Variants in AGPAT5 observed in about 807,000 individuals in gnomAD.
The protein encoded by AGPAT5 is 1-acylglycerol-3-phosphate O-acyltransferase 5, also known as 1-acyl-sn-glycerol-3-phosphate acyltransferase epsilon.
Under a neutral mutation model 45.6 loss-of-function variants are expected in AGPAT5, and 46 were observed. The ratio of observed to expected loss-of-function variants is 1.01; its 90% CI spans 0.80 to 1.29. The LOEUF is 1.29. AGPAT5 is among the 50% of genes most tolerant of loss of function. The pLI is 0.00. For synonymous variants in AGPAT5, 272 were observed against 167.0 expected, an observed-to-expected ratio of 1.63 and a Z score of -4.85; for missense variants, 673 against 450.7, an observed-to-expected ratio of 1.49 and a Z score of -4.47.
intron 4 of AGPAT5, among the ~76,000 whole-genome samples, chr8:6,733,892 T>A (rs568792325): frequency 5.0e-4 from 76 of 152,302 alleles, no homozygotes; most frequent in African/African-American, 1.8e-3. Flanking sequence ...TGGCATCCTA[T>A]GCACAGTGGC....
At chr8:6,735,078 G>C (rs549071546) in intron 4 of AGPAT5, among the ~76,000 whole-genome samples, 51 of 152,256 alleles carry the variant, frequency 3.3e-4, no homozygotes, top group Non-Finnish European at 5.7e-4. Context: ...GAATCTCAGG[G>C]GTGGAGCCTT....
At chr8:6,720,458 AGAT>A (rs553105114) in intron 1 of AGPAT5, among the ~76,000 whole-genome samples, 21 of 152,342 alleles carry the variant, frequency 1.4e-4, no homozygotes, top group African/African-American at 4.8e-4. Flanking sequence ...GATTTTTGGC[AGAT>A]GACTTGGGAA....
chr8:6,749,333 AT>A (rs1226057876), intron 6 of AGPAT5, among the ~76,000 whole-genome samples: 2 of 152,244 alleles, frequency 1.3e-5, no homozygotes, highest in East Asian at 1.9e-4. Context: ...GGAAAAAAAA[AT>A]GTAACATATT....
At chr8:6,718,886 G>C (rs1356595177) in intron 1 of AGPAT5, among the ~76,000 whole-genome samples, 2 of 152,170 alleles carry the variant, frequency 1.3e-5, no homozygotes, top group African/African-American at 2.4e-5. Context: ...AGAAGCAGCA[G>C]TTAATTACCT....
At chr8:6,723,611 G>A (rs917252930) in intron 1 of AGPAT5, among the ~76,000 whole-genome samples, 10 of 152,198 alleles carry the variant, frequency 6.6e-5, no homozygotes, top group Non-Finnish European at 1.3e-4. Flanking sequence ...CACAAGCCAC[G>A]ATGTCACTTT....
At chr8:6,725,173 TCTTA>T (rs1800643792) in intron 2 of AGPAT5, among the ~76,000 whole-genome samples, 1 of 152,240 alleles carries the variant, frequency 6.6e-6, no homozygotes, top group Non-Finnish European at 1.5e-5. Context: ...TAAGCTATCT[TCTTA>T]CTTGCTTGCT....
At position 6,732,761 on chromosome 8, in the gene AGPAT5, C is replaced by G. The variant is rs937685540; in HGVS notation, c.495+111C>G. Reference sequence around the variant, plus strand: ...CAATGTATTTTCCCATGTGTAATTACTAATTCAGGGTTATGCTGAGGTAAC... The same window carrying G: ...CAATGTATTTTCCCATGTGTAATTAGTAATTCAGGGTTATGCTGAGGTAAC... On this transcript the variant is annotated intron_variant, in intron 4 of 7. Transcript: ENST00000285518. 8.1e-6 allele frequency: 8 copies of G among 983,902 alleles called. No individual in the cohort carries two copies. In the African/African-American group the frequency reaches 1.2e-4, roughly 14 times the overall value. The allele number at this position is 983,902 out of a possible 1,614,324, so 60.9% of individuals were successfully genotyped here.
intron 4 of AGPAT5, among the ~76,000 whole-genome samples, chr8:6,733,942 C>T (rs1357591956): frequency 2.6e-5 from 4 of 152,092 alleles, no homozygotes; most frequent in South Asian, 2.1e-4. Context: ...CTGCCAGTGG[C>T]GCTAGGGCTG....
At chr8:6,716,467 G>A (rs773050539) in intron 1 of AGPAT5, among the ~76,000 whole-genome samples, 5 of 151,914 alleles carry the variant, frequency 3.3e-5, no homozygotes, top group Non-Finnish European at 7.4e-5. Flanking sequence ...AGGCTGAGGT[G>A]GGAGAATCAC....
rs967460568 is a variant in AGPAT5, at chr8:6,759,529, T to C, written c.*2141T>C. On this transcript the variant is annotated 3_prime_UTR_variant, in exon 8 of 8. Transcript: ENST00000285518. Reference sequence around the variant, plus strand: ...CACATATCATTTAAACTTTTGTTTGTATTATTACTGATTTACAGCTTAGTT... The same window carrying C: ...CACATATCATTTAAACTTTTGTTTGCATTATTACTGATTTACAGCTTAGTT... 1 of 152,246 alleles carries C rather than the reference T, an allele frequency of 6.6e-6. No homozygotes were observed. The highest frequency in any genetic ancestry group is 6.5e-5 in the Admixed American group (1 of 15,286). 9.4% of individuals were successfully genotyped at this position (152,246 alleles called of 1,614,324 possible). A position where few individuals can be genotyped will look rare whatever the true frequency, so the allele number is the denominator to read the frequency against.
Position 6,760,233 on chromosome 8 carries a change from A to G in AGPAT5, c.*2845A>G, listed in dbSNP as rs141019896. Among the ~76,000 whole-genome samples the G allele has an allele frequency of 7.2e-5, 11 of 152,268 alleles. No individual in the cohort carries two copies. The highest frequency in any genetic ancestry group is 2.6e-4 in the African/African-American group (11 of 41,548). Reference sequence around the variant, plus strand: ...ATATCGAGAACCTGTCTACAAAAAAATTAAAAAAAATTAGCCAGGCATGGT... The same window carrying G: ...ATATCGAGAACCTGTCTACAAAAAAGTTAAAAAAAATTAGCCAGGCATGGT... On this transcript the variant is annotated 3_prime_UTR_variant, in exon 8 of 8. Transcript: ENST00000285518.
chr8:6,715,917 A>C (rs1236703552), intron 1 of AGPAT5, among the ~76,000 whole-genome samples: 2 of 152,162 alleles, frequency 1.3e-5, no homozygotes, highest in Non-Finnish European at 2.9e-5. Flanking sequence ...TAACATAATA[A>C]ACATGAGGAG....
intron 1 of AGPAT5, among the ~76,000 whole-genome samples, chr8:6,723,343 G>A (rs1800570974): frequency 6.6e-6 from 1 of 152,152 alleles, no homozygotes; most frequent in African/African-American, 2.4e-5. Context: ...GCACCACCAT[G>A]CCTGGCTAAT....
At chr8:6,748,362 A>G (rs904927682) in intron 6 of AGPAT5, among the ~76,000 whole-genome samples, 1 of 152,254 alleles carries the variant, frequency 6.6e-6, no homozygotes, top group Non-Finnish European at 1.5e-5. Flanking sequence ...AGTTAAACTA[A>G]CCAAACATAG....
At chr8:6,743,595 A>G (rs1463282387) in intron 5 of AGPAT5, among the ~76,000 whole-genome samples, 1 of 152,250 alleles carries the variant, frequency 6.6e-6, no homozygotes, top group Non-Finnish European at 1.5e-5. Flanking sequence ...GGGGTCCTGC[A>G]GAAGTGCAGG....
intron 6 of AGPAT5, among the ~76,000 whole-genome samples, chr8:6,748,195 G>A (rs575770320): frequency 1.2e-3 from 187 of 152,202 alleles, no homozygotes; most frequent in Middle Eastern, 3.4e-3. Context: ...TGTATTTTTC[G>A]TAAAATATTT....
chr8:6,709,000 C>G (rs1268791566), intron 1 of AGPAT5, 113 bp downstream of exon 1: 1 of 991,418 alleles, frequency 1.0e-6, no homozygotes, highest in East Asian at 2.6e-5. Flanking sequence ...GCGGACCCAG[C>G]ACGGAGAGCA....
At position 6,759,715 on chromosome 8, in the gene AGPAT5, C is replaced by T. The variant is rs977918714; in HGVS notation, c.*2327C>T. ...GACCCTAAAATTCACCAACAGTCTCCCAGTACATAAAATAGGCTTAATGAC... is the reference window on the plus strand; with the variant it reads ...GACCCTAAAATTCACCAACAGTCTCTCAGTACATAAAATAGGCTTAATGAC... On this transcript the variant is annotated 3_prime_UTR_variant, in exon 8 of 8. Transcript: ENST00000285518. The T allele has an allele frequency of 6.6e-6, 1 of 152,066 alleles. No individual in the cohort carries two copies. Among genetic ancestry groups the T allele is most frequent in the Admixed American group, 6.6e-5 (1 of 15,264 alleles). 9.4% of individuals were successfully genotyped at this position (152,066 alleles called of 1,614,324 possible).
At chr8:6,732,496 T>C in intron 3 of AGPAT5, 65 bp from the exon 4 acceptor site, 4 of 1,361,184 alleles carry the variant, frequency 2.9e-6, no homozygotes, top group South Asian at 1.5e-5. Context: ...AGTTGCCTTT[T>C]TGATGACTCT....
Sources: allele counts gnomAD v4.1 joint callset (sites outside exome capture counted in the v4.1 genomes callset), GRCh38; gene constraint gnomAD v4.1.1; transcripts MANE v1.5; gene names NCBI Gene and HGNC (gene_info 2026-07-23, HGNC 2026-07-21).